Variants in PDE10A observed in about 807,000 individuals in gnomAD.
The protein encoded by PDE10A is cAMP and cAMP-inhibited cGMP 3',5'-cyclic phosphodiesterase 10A.
In PDE10A, 39 loss-of-function variants were observed where a neutral mutation model predicts 97.7. That is an observed-to-expected ratio of 0.40 (90% confidence interval 0.31 to 0.52). PDE10A has a LOEUF of 0.52. Among genes scored for constraint, PDE10A ranks in the 20% least tolerant of loss-of-function variants. The probability of loss-of-function intolerance (pLI) is 0.56; values close to 1 mark genes in which losing one functional copy is unlikely to be tolerated. For missense variants in PDE10A, 731 were observed against 1,047.8 expected, an observed-to-expected ratio of 0.70 and a Z score of 4.17; for synonymous variants, 371 against 376.8, an observed-to-expected ratio of 0.98 and a Z score of 0.18.
chr6:165,675,453 G>T (rs1386894444), intron 1 of PDE10A, among the ~76,000 whole-genome samples: 1 of 152,116 alleles, frequency 6.6e-6, no homozygotes, highest in South Asian at 2.1e-4. Context: ...AGAGAAAAAA[G>T]CTTTTAAAAT....
At chr6:165,784,375 G>C (rs1778438296) in intron 1 of PDE10A, among the ~76,000 whole-genome samples, 1 of 152,130 alleles carries the variant, frequency 6.6e-6, no homozygotes, top group East Asian at 1.9e-4. Context: ...CCACGTTTCT[G>C]AGTAACTTCC....
chr6:165,374,295 T>C (rs1157708131), intron 18 of PDE10A, among the ~76,000 whole-genome samples: 1 of 152,044 alleles, frequency 6.6e-6, no homozygotes, highest in East Asian at 1.9e-4. Flanking sequence ...TATTTGTTAC[T>C]ATGAGACTTG....
At chr6:165,811,254 A>T (rs537955876) in intron 1 of PDE10A, among the ~76,000 whole-genome samples, 23 of 152,246 alleles carry the variant, frequency 1.5e-4, no homozygotes, top group Middle Eastern at 3.4e-3. Flanking sequence ...AAACACACAA[A>T]AAAAGCACTT....
intron 1 of PDE10A, among the ~76,000 whole-genome samples, chr6:165,943,593 C>A (rs1783659275): frequency 6.6e-6 from 1 of 152,132 alleles, no homozygotes; most frequent in Admixed American, 6.5e-5. Context: ...TGTTCCAGGG[C>A]CGGAGAAGAT....
At position 165,431,425 on chromosome 6, in the gene PDE10A, C is replaced by A. The variant is rs766435738; in HGVS notation, c.1539G>T (p.Val513=). 9 of 1,597,438 alleles carry A rather than the reference C, an allele frequency of 5.6e-6. No homozygotes were observed. The highest frequency in any genetic ancestry group is 1.1e-5 in the South Asian group (1 of 89,526). Residue 513 remains valine (V), a synonymous_variant, in exon 8 of 22, where the codon GTG becomes GTT. Transcript: ENST00000539869. ...LAWASVAIHQ[V]QVCRGLAKQT... is the part of the protein sequence containing the mutation. Reference sequence around the variant, plus strand: ...CAAAAACACCCCAAAGACTCACCTGCACCTGATGTATTGCTACTGAAGCCC... The same window carrying A: ...CAAAAACACCCCAAAGACTCACCTGAACCTGATGTATTGCTACTGAAGCCC...
intron 1 of PDE10A, among the ~76,000 whole-genome samples, chr6:165,983,115 A>G (rs923717822): frequency 6.6e-5 from 10 of 152,036 alleles, no homozygotes; most frequent in Admixed American, 2.6e-4. Flanking sequence ...AATAACTTCA[A>G]TGGACATCCA....
At chr6:165,521,993 T>TA (rs1782156590) in intron 2 of PDE10A, among the ~76,000 whole-genome samples, 1 of 152,220 alleles carries the variant, frequency 6.6e-6, no homozygotes, top group East Asian at 1.9e-4. Context: ...CGTTGTAGCA[T>TA]GTGTCAGAAC....
At chr6:165,756,952 G>A (rs988686774) in intron 1 of PDE10A, among the ~76,000 whole-genome samples, 9 of 148,176 alleles carry the variant, frequency 6.1e-5, no homozygotes, top group Admixed American at 1.4e-4. Flanking sequence ...CCCTGACCCC[G>A]CTTTTTCCAT....
intron 1 of PDE10A, among the ~76,000 whole-genome samples, chr6:165,751,577 C>T (rs527437691): frequency 7.7e-4 from 118 of 152,260 alleles, no homozygotes; most frequent in African/African-American, 2.7e-3. Flanking sequence ...ACTGGCAGGA[C>T]TTCTTTTCTG....
rs972758458 is a variant in PDE10A at position 165,661,832 on chromosome 6, G to C, written c.865+115C>G. 6.7e-6 allele frequency: 4 copies of C among 594,292 alleles called. No individual in the cohort carries two copies. The highest frequency in any genetic ancestry group is 1.2e-5 in the Non-Finnish European group (4 of 324,400). 36.8% of individuals were successfully genotyped at this position (594,292 alleles called of 1,614,324 possible). ...GAAGCCCCCTGGGCGCTCCACGCCC[G>C]GGCACGGGCACCTCGCTCGACACCC... On this transcript the variant is annotated intron_variant, in intron 1 of 21. Coordinates refer to ENST00000539869, the MANE Select transcript of PDE10A (RefSeq NM_001385079.1). The surrounding 1 kb of genome is among the most constrained non-coding windows in gnomAD (Gnocchi z 4.8).
At chr6:165,588,203 T>C (rs1337517378) in intron 1 of PDE10A, among the ~76,000 whole-genome samples, 5 of 152,016 alleles carry the variant, frequency 3.3e-5, no homozygotes, top group African/African-American at 1.2e-4. Flanking sequence ...CTTTCCCATC[T>C]TAATATTAGA....
intron 1 of PDE10A, among the ~76,000 whole-genome samples, chr6:165,608,261 CT>C (rs1787320619): frequency 1.8e-5 from 2 of 108,744 alleles, no homozygotes; most frequent in East Asian, 3.3e-4. Context: ...TCCCTCCCCC[CT>C]CCCCCACCCC....
At chr6:165,468,564 T>C (rs1382650182) in intron 3 of PDE10A, among the ~76,000 whole-genome samples, 1 of 152,206 alleles carries the variant, frequency 6.6e-6, no homozygotes, top group Non-Finnish European at 1.5e-5. Context: ...GAACCCACAA[T>C]ACCTTCTAGG....
chr6:165,810,381 G>A (rs1779248260), intron 1 of PDE10A, among the ~76,000 whole-genome samples: 1 of 152,138 alleles, frequency 6.6e-6, no homozygotes. Context: ...AACAGAACTA[G>A]GCTCCCCTCC....
At chr6:165,939,473 T>C (rs1450273683) in intron 1 of PDE10A, 6 of 152,230 alleles carry the variant, frequency 3.9e-5, no homozygotes, top group Admixed American at 1.3e-4. Flanking sequence ...GACTTTTAAA[T>C]TTTATTACTT....
intron 2 of PDE10A, among the ~76,000 whole-genome samples, chr6:165,505,142 A>G (rs1317684928): frequency 6.6e-6 from 1 of 152,208 alleles, no homozygotes; most frequent in Non-Finnish European, 1.5e-5. Context: ...TAAGTCACCT[A>G]ATATGTTTCT....
At chr6:165,751,923 A>C (rs1475232791) in intron 1 of PDE10A, among the ~76,000 whole-genome samples, 1 of 152,020 alleles carries the variant, frequency 6.6e-6, no homozygotes, top group African/African-American at 2.4e-5. Context: ...GTGGATCACG[A>C]GATCAGGAGA....
intron 1 of PDE10A, among the ~76,000 whole-genome samples, chr6:165,657,517 C>T (rs1790026391): frequency 1.3e-5 from 2 of 152,252 alleles, no homozygotes; most frequent in South Asian, 4.1e-4. Context: ...GTGAAATGTG[C>T]ACCGCACTAT....
intron 1 of PDE10A, among the ~76,000 whole-genome samples, chr6:165,584,070 A>G (rs1243747644): frequency 6.6e-6 from 1 of 152,178 alleles, no homozygotes; most frequent in Non-Finnish European, 1.5e-5. Context: ...CCAGGAGGAA[A>G]TGGAGCTGCT....
Sources: allele counts gnomAD v4.1 joint callset (sites outside exome capture counted in the v4.1 genomes callset), GRCh38; gene constraint gnomAD v4.1.1; non-coding constraint Gnocchi (gnomAD v3.1); transcripts MANE v1.5; gene names NCBI Gene and HGNC (gene_info 2026-07-23, HGNC 2026-07-21).